Variants in PEPD observed in about 807,000 individuals in gnomAD.
PEPD encodes the protein peptidase D.
A neutral mutation model predicts 60.7 loss-of-function variants in PEPD; 53 were observed. The ratio of observed to expected loss-of-function variants is 0.87; its 90% CI spans 0.70 to 1.10. The LOEUF is 1.10. PEPD is among the 50% of genes least tolerant of loss of function. The pLI is 0.00. For missense variants in PEPD, 711 were observed against 711.9 expected, an observed-to-expected ratio of 1.00 and a Z score of 0.01; for synonymous variants, 267 against 284.1, an observed-to-expected ratio of 0.94 and a Z score of 0.60.
At position 33,436,491 on chromosome 19, in the gene PEPD, G is replaced by T. The variant is rs1391271210; in HGVS notation, c.672-22848C>A. Among the ~76,000 whole-genome samples, 5 of 152,332 alleles carry T rather than the reference G, an allele frequency of 3.3e-5. No individual in the cohort carries two copies. The East Asian group carries it at 9.7e-4, about 29-fold the overall frequency. On this transcript the variant is annotated intron_variant, in intron 9 of 14. Transcript: ENST00000244137. ...AAGGCTGCATGGCTGCATGGGCTAT[G>T]AGCCAAGTTCCTGCCTGGCAGGCCG...
rs1568486058 is a variant in PEPD, at chr19:33,466,769, AG to A, written c.549-2708del. 1.1e-3 allele frequency among the ~76,000 whole-genome samples: 166 copies of A among 149,984 alleles called. 2 individuals carry two copies. The highest frequency in any genetic ancestry group is 5.2e-3 in the South Asian group (24 of 4,604). ...CTTTTGTACTAATGAAAAAAAAAAAAGAAATAAAAATTTTTTTCTAATAAAA... is the reference window on the plus strand; with the variant it reads ...CTTTTGTACTAATGAAAAAAAAAAAAAAATAAAAATTTTTTTCTAATAAAA... On this transcript the variant is annotated intron_variant, in intron 7 of 14. Transcript: ENST00000244137.
intron 5 of PEPD, among the ~76,000 whole-genome samples, chr19:33,492,194 C>A (rs544929596): frequency 1.9e-4 from 29 of 152,058 alleles, no homozygotes; most frequent in Non-Finnish European, 3.8e-4. Context: ...GGGCACACCA[C>A]AGCTCAAGTG....
At position 33,413,484 on chromosome 19, in the gene PEPD, C is replaced by G. The variant is rs537991053; in HGVS notation, c.740+91G>C. On this transcript the variant is annotated intron_variant, in intron 10 of 14. Coordinates refer to ENST00000244137, the MANE Select transcript of PEPD (RefSeq NM_000285.4). ...TGGGCGTGTGAGTGAGCAAGTGTGG[C>G]TGAGCTGGGGGATGGTGGAGCCCCC... 17 of 763,506 alleles carry G rather than the reference C, an allele frequency of 2.2e-5. No homozygotes were observed. The South Asian group carries it at 2.4e-4, about 11-fold the overall frequency. The allele number at this position is 763,506 out of a possible 1,614,324, so 47.3% of individuals were successfully genotyped here.
At chr19:33,466,677 T>C (rs991418026) in intron 7 of PEPD, among the ~76,000 whole-genome samples, 8 of 151,944 alleles carry the variant, frequency 5.3e-5, no homozygotes, top group African/African-American at 1.7e-4. Context: ...GGATGTCTTA[T>C]GGACAACTGG....
chr19:33,404,457 AAACAACAACAAC>A (rs57961062), intron 11 of PEPD, among the ~76,000 whole-genome samples: 1 of 151,250 alleles, frequency 6.6e-6, no homozygotes, highest in Non-Finnish European at 1.5e-5. Flanking sequence ...ATCGTTTAAA[AAACAACAACAAC>A]AACAACAACC....
At chr19:33,468,484 G>A (rs746973269) in intron 7 of PEPD, among the ~76,000 whole-genome samples, 1 of 152,326 alleles carries the variant, frequency 6.6e-6, no homozygotes, top group African/African-American at 2.4e-5. Flanking sequence ...GGCCTCCATC[G>A]AGGCAGCCCA....
chr19:33,478,873 G>A (rs563765881), intron 6 of PEPD, among the ~76,000 whole-genome samples: 4 of 152,170 alleles, frequency 2.6e-5, no homozygotes, highest in Non-Finnish European at 4.4e-5. Context: ...CTGAATCCAC[G>A]TGAAGAGAAA....
intron 5 of PEPD, among the ~76,000 whole-genome samples, chr19:33,492,654 G>A (rs1040684130): frequency 4.6e-5 from 7 of 152,000 alleles, no homozygotes; most frequent in Admixed American, 4.6e-4. Flanking sequence ...CTATATTTTG[G>A]TACCCATTAA....
intron 9 of PEPD, among the ~76,000 whole-genome samples, chr19:33,421,811 G>A (rs982168046): frequency 7.9e-5 from 12 of 152,098 alleles, no homozygotes; most frequent in African/African-American, 2.9e-4. Context: ...TATATTTAAT[G>A]CTGTCACTAT....
In PEPD at chr19:33,477,652, G is replaced by A. The variant is rs189563627; in HGVS notation, c.548+394C>T. Among the ~76,000 whole-genome samples, 5 of 152,316 alleles carry A rather than the reference G, an allele frequency of 3.3e-5. No homozygotes were observed. In the East Asian group the frequency reaches 5.8e-4, roughly 18 times the overall value. On this transcript the variant is annotated intron_variant, in intron 7 of 14. Coordinates refer to ENST00000244137, the MANE Select transcript of PEPD (RefSeq NM_000285.4). ...AAGGAAGAAGGTGACAGAAGAATGC[G>A]TAGAACAGAATGCCACCTTTGTCAA...
chr19:33,419,181 C>CT (rs762716314), intron 9 of PEPD, among the ~76,000 whole-genome samples: 3 of 152,104 alleles, frequency 2.0e-5, no homozygotes, highest in Non-Finnish European at 4.4e-5. Context: ...GCTTCTTGGG[C>CT]TTGCATGGAC....
At chr19:33,483,892 G>A (rs1400337559) in intron 6 of PEPD, among the ~76,000 whole-genome samples, 1 of 152,116 alleles carries the variant, frequency 6.6e-6, no homozygotes, top group Non-Finnish European at 1.5e-5. Flanking sequence ...ACAAGCACAC[G>A]CAGGGTCGTG....
At chr19:33,451,891 A>T (rs1409648643) in intron 9 of PEPD, among the ~76,000 whole-genome samples, 1 of 152,234 alleles carries the variant, frequency 6.6e-6, no homozygotes, top group Non-Finnish European at 1.5e-5. Context: ...CATGGAAATG[A>T]GTAAGACAAA....
At chr19:33,511,288 T>C in intron 2 of PEPD, 133 bp from the exon 3 acceptor site, 1 of 870,482 alleles carries the variant, frequency 1.1e-6, no homozygotes. Context: ...GCCCCAGACA[T>C]CCCTTCCCCT....
chr19:33,431,992 C>CAAAAAAAAAAAAAAAAAAAA lies in PEPD; in HGVS notation c.672-18350_672-18349insTTTTTTTTTTTTTTTTTTTT, dbSNP rs906879187. Among the ~76,000 whole-genome samples the CAAAAAAAAAAAAAAAAAAAA allele has an allele frequency of 1.2e-3, 93 of 77,854 alleles. 6 individuals are homozygous for CAAAAAAAAAAAAAAAAAAAA. The highest frequency in any genetic ancestry group is 4.1e-3 in the East Asian group (9 of 2,188). The allele number at this position is 77,854 out of a possible 152,430, so 51.1% of individuals were successfully genotyped here. A position where few individuals can be genotyped will look rare whatever the true frequency, so the allele number is the denominator to read the frequency against. On this transcript the variant is annotated intron_variant, in intron 9 of 14. Transcript: ENST00000244137. ...TGGGTAACAGAGCAAGACACCACCTCAAAAAAAAAAAAAAAAAAGGGAAGA... is the reference window on the plus strand; with the variant it reads ...TGGGTAACAGAGCAAGACACCACCTCAAAAAAAAAAAAAAAAAAAAAAAAAAAAAAAAAAAAAAGGGAAGA...
chr19:33,517,597 G>A (rs570329045), intron 1 of PEPD, among the ~76,000 whole-genome samples: 15 of 151,846 alleles, frequency 9.9e-5, no homozygotes, highest in Non-Finnish European at 1.3e-4. Flanking sequence ...AAAACCTGAT[G>A]CCGAGAATGG....
chr19:33,425,976 A>ATTTAT (rs550782532), intron 9 of PEPD, among the ~76,000 whole-genome samples: 178 of 152,258 alleles, frequency 1.2e-3, no homozygotes, highest in African/African-American at 4.1e-3. Flanking sequence ...CACCTGGCTA[A>ATTTAT]TTTATTTTAT....
intron 9 of PEPD, among the ~76,000 whole-genome samples, chr19:33,449,672 A>C (rs1262181050): frequency 6.6e-6 from 1 of 152,106 alleles, no homozygotes; most frequent in Admixed American, 6.5e-5. Flanking sequence ...TTCAAAGATG[A>C]CCCTGAGATG....
chr19:33,391,316 G>A lies in PEPD; in HGVS notation c.1131C>T (p.His377=), dbSNP rs17569. The change falls in exon 13 of 15, where the codon CAC becomes CAT. Residue 377 remains histidine (H), a synonymous_variant. Transcript: ENST00000244137. ...GLGHFLGIDV[H]DVGGYPEGVE... ...TGACCTCTGGGTAGCCTCCCACGTCGTGCACGTCAATGCCCAGGAAGTGGC... is the reference window on the plus strand; with the variant it reads ...TGACCTCTGGGTAGCCTCCCACGTCATGCACGTCAATGCCCAGGAAGTGGC... 232,402 of 1,610,930 alleles carry A rather than the reference G, an allele frequency of 0.14. 18,295 individuals are homozygous for A. Among genetic ancestry groups the A allele is most frequent in the East Asian group, 0.24 (10,892 of 44,808 alleles).
Sources: gnomAD v4.1 joint callset for allele counts (sites outside exome capture counted in the v4.1 genomes callset) on GRCh38, gnomAD v4.1.1 for gene constraint, MANE v1.5 for transcripts, NCBI Gene and HGNC (gene_info 2026-07-23, HGNC 2026-07-21) for gene names.